Variants in ANK3 observed in about 807,000 individuals in gnomAD.
The protein encoded by ANK3 is ankyrin 3.
A neutral mutation model predicts 370.9 loss-of-function variants in ANK3; 57 were observed. That is an observed-to-expected ratio of 0.15 (90% CI 0.12 to 0.19). The LOEUF (loss-of-function observed/expected upper bound fraction) is 0.19, where lower values mean the gene tolerates loss of function less well. ANK3 is among the 10% of genes least tolerant of loss of function. The pLI, the probability that ANK3 is intolerant of heterozygous loss-of-function variation, is 1.00. For missense variants in ANK3, 4,439 were observed against 5,302.1 expected (o/e 0.84, Z 5.06); for synonymous variants, 1,929 against 1,946.3 (o/e 0.99, Z 0.23).
intron 42 of ANK3, among the ~76,000 whole-genome samples, chr10:60,050,152 T>C (rs1459343772): frequency 6.6e-6 from 1 of 152,078 alleles, no homozygotes; most frequent in African/African-American, 2.4e-5. Context: ...AGAGAACATG[T>C]GTGAGGTGAC....
intron 2 of ANK3, among the ~76,000 whole-genome samples, chr10:60,435,507 T>G (rs1217966741): frequency 6.6e-6 from 1 of 152,188 alleles, no homozygotes; most frequent in East Asian, 1.9e-4. Flanking sequence ...TTAAGATGAA[T>G]TTTCATTTTA....
In ANK3 at chr10:60,075,551, G is replaced by C; in HGVS notation, c.5330C>G (p.Pro1777Arg). 1 of 1,613,996 alleles carries C rather than the reference G, an allele frequency of 6.2e-7. No individual in the cohort carries two copies. The highest frequency in any genetic ancestry group is 8.5e-7 in the Non-Finnish European group (1 of 1,180,002). The change falls in exon 37 of 44, where the codon CCA becomes CGA. Residue 1777 changes from proline to arginine, a missense_variant. Transcript: ENST00000280772. ...TGCTGCAGAAACATATGACCTGAGT[G>C]GGGAAAATGGCATTGCAGTCGTGGT... ...FSTTTAMPFS[P>R]LRSYVSAAPS... is the part of the protein sequence containing the mutation.
intron 2 of ANK3, among the ~76,000 whole-genome samples, chr10:60,487,897 C>A (rs7912472): frequency 0.032 from 4,821 of 151,824 alleles, 252 homozygotes; most frequent in African/African-American, 0.11. Flanking sequence ...TATTTTTAGT[C>A]GAGACGAGGT....
chr10:60,161,227 C>G (rs573680713), intron 23 of ANK3, among the ~76,000 whole-genome samples: 2 of 152,036 alleles, frequency 1.3e-5, no homozygotes, highest in African/African-American at 4.8e-5. Flanking sequence ...AAATCAGTAT[C>G]ATTTCTATGT....
intron 1 of ANK3, among the ~76,000 whole-genome samples, chr10:60,694,285 A>C (rs1452467965): frequency 6.6e-6 from 1 of 152,226 alleles, no homozygotes; most frequent in Non-Finnish European, 1.5e-5. Context: ...GGTGTACCTG[A>C]AAGTGACGGG....
chr10:60,035,423 C>G (rs2074720654), intron 43 of ANK3, among the ~76,000 whole-genome samples: 2 of 151,576 alleles, frequency 1.3e-5, no homozygotes. Flanking sequence ...TAATTTTTAT[C>G]TTTTTAGTAG....
At chr10:60,479,012 A>G (rs1263482869) in intron 2 of ANK3, among the ~76,000 whole-genome samples, 3 of 152,262 alleles carry the variant, frequency 2.0e-5, no homozygotes, top group East Asian at 3.9e-4. Flanking sequence ...CCAAACCACG[A>G]TCTCATCTTT....
chr10:60,328,569 C>A (rs1345649354), intron 1 of ANK3, among the ~76,000 whole-genome samples: 1 of 152,110 alleles, frequency 6.6e-6, no homozygotes, highest in African/African-American at 2.4e-5. Context: ...GACACATACA[C>A]CCTCCCAAGA....
chr10:60,226,523 C>CTATAGTATATATACATAGTATATATA (rs2097155892), intron 8 of ANK3, among the ~76,000 whole-genome samples: 1 of 53,930 alleles, frequency 1.9e-5, no homozygotes, highest in Non-Finnish European at 3.0e-5. Flanking sequence ...AGTATATATA[C>CTATAGTATATATACATAGTATATATA]TATAGTATAT....
chr10:60,520,936 T>C (rs1421679528), intron 2 of ANK3, among the ~76,000 whole-genome samples: 5 of 128,250 alleles, frequency 3.9e-5, no homozygotes, highest in African/African-American at 1.4e-4. Context: ...AATTTTTGTC[T>C]TAGTTTTTTT....
At chr10:60,640,468 G>C (rs2078616758) in intron 1 of ANK3, among the ~76,000 whole-genome samples, 1 of 142,368 alleles carries the variant, frequency 7.0e-6, no homozygotes, top group Admixed American at 7.3e-5. Flanking sequence ...TCCCTGGGAT[G>C]CAAGGCTAGT....
intron 12 of ANK3, among the ~76,000 whole-genome samples, chr10:60,200,443 C>T (rs77392577): frequency 0.12 from 17,966 of 152,200 alleles, 1,300 homozygotes; most frequent in East Asian, 0.28. Context: ...TCTTGTCACC[C>T]ACTGTGCCAG....
At chr10:60,145,342 A>T (rs2094762347) in intron 23 of ANK3, among the ~76,000 whole-genome samples, 1 of 152,212 alleles carries the variant, frequency 6.6e-6, no homozygotes, top group African/African-American at 2.4e-5. Context: ...TCTAATACAC[A>T]AGAGATTAAT....
chr10:60,161,298 T>C (rs889514864), intron 23 of ANK3, among the ~76,000 whole-genome samples: 8 of 152,068 alleles, frequency 5.3e-5, no homozygotes, highest in African/African-American at 1.9e-4. Flanking sequence ...TGTAAATTAG[T>C]ACAGTTACTA....
At chr10:60,429,977 T>C (rs2063978105) in intron 2 of ANK3, among the ~76,000 whole-genome samples, 2 of 152,200 alleles carry the variant, frequency 1.3e-5, no homozygotes, top group Admixed American at 1.3e-4. Context: ...TTGACTGTGG[T>C]GACTGGTAAA....
chr10:60,583,502 A>C (rs1187773029), intron 2 of ANK3, among the ~76,000 whole-genome samples: 2 of 145,542 alleles, frequency 1.4e-5, no homozygotes, highest in African/African-American at 2.5e-5. Context: ...GCTTACAGAG[A>C]GGTTTTTTGT....
At chr10:60,684,737 G>T in intron 1 of ANK3, 1 of 1,582,914 alleles carries the variant, frequency 6.3e-7, no homozygotes, top group South Asian at 1.1e-5. Context: ...GATGTAGGTG[G>T]TCAGGAGAAA....
chr10:60,665,048 G>A (rs1479079881), intron 1 of ANK3, among the ~76,000 whole-genome samples: 7 of 152,090 alleles, frequency 4.6e-5, no homozygotes, highest in Admixed American at 4.6e-4. Context: ...AGGAAAGAAT[G>A]AGCATGTTGC....
intron 2 of ANK3, among the ~76,000 whole-genome samples, chr10:60,441,095 T>C (rs1412330576): frequency 6.6e-6 from 1 of 152,106 alleles, no homozygotes; most frequent in African/African-American, 2.4e-5. Flanking sequence ...GGAAAAAGTT[T>C]AGAAAAGATG....
Sources: allele counts gnomAD v4.1 joint callset (sites outside exome capture counted in the v4.1 genomes callset), GRCh38; gene constraint gnomAD v4.1.1; transcripts MANE v1.5; gene names NCBI Gene and HGNC (gene_info 2026-07-23, HGNC 2026-07-21).